Variants in FOXP4 observed in about 807,000 individuals in gnomAD.
FOXP4 encodes the protein forkhead box protein P4.
A neutral mutation model predicts 82.6 loss-of-function variants in FOXP4; 25 were observed. That is an observed-to-expected ratio of 0.30 (90% CI 0.22 to 0.42). The LOEUF is 0.42. Among genes scored for constraint, FOXP4 ranks in the 10% least tolerant of loss-of-function variants. FOXP4 has a pLI of 1.00. For synonymous variants in FOXP4, 415 were observed against 388.2 expected (o/e 1.07, Z -0.81); for missense variants, 785 against 900.9 (o/e 0.87, Z 1.65).
At chr6:41,557,517 C>T (rs1482238430) in intron 1 of FOXP4, among the ~76,000 whole-genome samples, 1 of 152,162 alleles carries the variant, frequency 6.6e-6, no homozygotes, top group Non-Finnish European at 1.5e-5. Context: ...GGGATTGGCT[C>T]AATACATTCT....
chr6:41,597,136 G>A, intron 14 of FOXP4, 40 bp from the exon 15 acceptor site: 2 of 1,602,702 alleles, frequency 1.2e-6, no homozygotes, highest in Non-Finnish European at 1.7e-6. Context: ...GAAGAGCTAA[G>A]TGAATGAGTG....
At chr6:41,562,134 G>A (rs1479862955) in intron 1 of FOXP4, among the ~76,000 whole-genome samples, 1 of 152,220 alleles carries the variant, frequency 6.6e-6, no homozygotes, top group African/African-American at 2.4e-5. Context: ...GAGGCTGCTG[G>A]TGTGCTCATC....
Position 41,589,983 on chromosome 6 carries a change from CT to C in FOXP4, c.1171del (p.Ser391ProfsTer6), listed in dbSNP as rs1561801875. 2.5e-6 allele frequency: 4 copies of C among 1,613,816 alleles called. No homozygotes were observed. The Admixed American group carries it at 5.0e-5, about 20-fold the overall frequency. ...SQPLNPVPGS[S>X]SFSKVTVSAA... ...CACAGCTGAACCCGGTCCCCGGCTC[CT>C]CCTCATTCTCCAAGGTGACCGTCTC... On this transcript the variant is annotated frameshift_variant, in exon 11 of 17. Coordinates refer to ENST00000307972, the MANE Select transcript of FOXP4 (RefSeq NM_001012426.2). LOFTEE classifies it high-confidence loss of function.
intron 10 of FOXP4, 50 bp downstream of exon 10, chr6:41,589,904 G>A: frequency 6.2e-7 from 1 of 1,610,274 alleles, no homozygotes. Context: ...CACAGACCCT[G>A]GAGCCTCGGG....
intron 8 of FOXP4, 141 bp downstream of exon 8, chr6:41,588,038 T>A (rs186845673): frequency 1.7e-6 from 1 of 597,462 alleles, no homozygotes; most frequent in East Asian, 2.8e-5. Flanking sequence ...TCTAGTTCTT[T>A]CTCTGCCCCC....
intron 2 of FOXP4, 93 bp downstream of exon 2, chr6:41,566,057 G>C: frequency 1.5e-6 from 2 of 1,327,000 alleles, no homozygotes; most frequent in Non-Finnish European, 2.1e-6. Context: ...ACCACTCCCT[G>C]CCAGGCAGCC....
intron 3 of FOXP4, among the ~76,000 whole-genome samples, chr6:41,580,692 A>C (rs7753653): frequency 2.6e-5 from 4 of 151,936 alleles, no homozygotes; most frequent in Admixed American, 2.6e-4. Flanking sequence ...ATGTTCTTCT[A>C]TGAGCTCAAG....
chr6:41,569,086 T>C (rs1022779278), intron 2 of FOXP4, among the ~76,000 whole-genome samples: 5 of 152,180 alleles, frequency 3.3e-5, no homozygotes, highest in Non-Finnish European at 7.4e-5. Flanking sequence ...AGCCTGGTCA[T>C]TGGTGAGTGA....
intron 1 of FOXP4, 45 bp from the exon 2 acceptor site, chr6:41,565,700 G>T (rs183315259): frequency 6.6e-7 from 1 of 1,521,102 alleles, no homozygotes; most frequent in Admixed American, 1.9e-5. Flanking sequence ...TGCCCTTTCA[G>T]CCTTCAGCCT....
Position 41,593,482 on chromosome 6 carries a change from G to A in FOXP4, c.1537-1388G>A, listed in dbSNP as rs990011269. 1.3e-5 allele frequency among the ~76,000 whole-genome samples: 2 copies of A among 152,116 alleles called. No homozygotes were observed. Among genetic ancestry groups the A allele is most frequent in the African/African-American group, 4.8e-5 (2 of 41,406 alleles). The stretch of plus-strand genomic sequence containing the variant: ...AAGCCCCTGCCAGACCCCTTAAATT[G>A]CCGTTAATGTTTCAGCGTAACGAAT... On this transcript the variant is annotated intron_variant, in intron 13 of 16. Transcript: ENST00000307972. This position sits in a 1 kb window ranked among gnomAD's most constrained non-coding sequence, Gnocchi z 4.1.
rs764486175 is a variant in FOXP4 at position 41,598,776 on chromosome 6, A to G, written c.1896-13A>G. 4 of 1,553,382 alleles carry G rather than the reference A, an allele frequency of 2.6e-6. No individual in the cohort carries two copies. The East Asian group carries it at 7.2e-5, about 28-fold the overall frequency. On this transcript the variant is annotated splice_polypyrimidine_tract_variant and intron_variant, in intron 16 of 16. Transcript: ENST00000307972. Reference sequence around the variant, plus strand: ...GACAGCCGCCTGGTGCCCATGCCATACTTTTGCCTCAGCCACCAGGTGCAG... The same window carrying G: ...GACAGCCGCCTGGTGCCCATGCCATGCTTTTGCCTCAGCCACCAGGTGCAG...
At position 41,597,965 on chromosome 6, in the gene FOXP4, C is replaced by T. The variant is rs976214611; in HGVS notation, c.1895+15C>T. ...CCCCAGTACAGGTGAGCACACAGCA[C>T]GGACCCCCACCCACCCCAGCACCCC... On this transcript the variant is annotated intron_variant, in intron 16 of 16. Coordinates refer to ENST00000307972, the MANE Select transcript of FOXP4 (RefSeq NM_001012426.2). 1.4e-5 allele frequency: 21 copies of T among 1,482,866 alleles called. No individual in the cohort carries two copies. The highest frequency in any genetic ancestry group is 4.2e-5 in the African/African-American group (3 of 71,684). The allele number at this position is 1,482,866 out of a possible 1,614,324, so 91.9% of individuals were successfully genotyped here. A position where few individuals can be genotyped will look rare whatever the true frequency, so the allele number is the denominator to read the frequency against.
At position 41,593,768 on chromosome 6, in the gene FOXP4, T is replaced by C. The variant is rs1485605676; in HGVS notation, c.1537-1102T>C. 1.3e-5 allele frequency among the ~76,000 whole-genome samples: 2 copies of C among 152,070 alleles called. No homozygotes were observed. The highest frequency in any genetic ancestry group is 4.8e-5 in the African/African-American group (2 of 41,398). On this transcript the variant is annotated intron_variant, in intron 13 of 16. Coordinates refer to ENST00000307972, the MANE Select transcript of FOXP4 (RefSeq NM_001012426.2). This position sits in a 1 kb window ranked among gnomAD's most constrained non-coding sequence, Gnocchi z 4.1. ...ACACAGGATTTAATTAGAGGCAAAT[T>C]AAAATTGGTAATGAAATCGGGCCAG...
chr6:41,587,600 G>T (rs948648415), intron 7 of FOXP4, 88 bp downstream of exon 7: 1 of 1,192,016 alleles, frequency 8.4e-7, no homozygotes. Flanking sequence ...TGTGAGGGAG[G>T]GGGTGGAGCC....
At chr6:41,576,350 CTGA>C (rs924081839) in intron 2 of FOXP4, among the ~76,000 whole-genome samples, 7 of 152,168 alleles carry the variant, frequency 4.6e-5, no homozygotes, top group Non-Finnish European at 8.8e-5. Flanking sequence ...GCTGTTTGCA[CTGA>C]TGATGAACGG....
intron 2 of FOXP4, among the ~76,000 whole-genome samples, chr6:41,576,397 A>G (rs1765488717): frequency 6.6e-6 from 1 of 152,160 alleles, no homozygotes; most frequent in African/African-American, 2.4e-5. Context: ...TGCTTGGTAC[A>G]CAGTGGTCAC....
At chr6:41,549,507 G>C (rs1763876745) in intron 1 of FOXP4, among the ~76,000 whole-genome samples, 1 of 152,102 alleles carries the variant, frequency 6.6e-6, no homozygotes, top group African/African-American at 2.4e-5. Flanking sequence ...TGCATATCCT[G>C]CTGGGCCCCT....
intron 8 of FOXP4, 92 bp downstream of exon 8, chr6:41,587,989 C>G: frequency 1.4e-6 from 1 of 701,844 alleles, no homozygotes; most frequent in South Asian, 1.6e-5. Flanking sequence ...TCTGGGAGCC[C>G]TCCTCACTAG....
At chr6:41,581,371 C>A (rs769001668) in intron 3 of FOXP4, among the ~76,000 whole-genome samples, 3 of 152,182 alleles carry the variant, frequency 2.0e-5, no homozygotes, top group African/African-American at 7.2e-5. Flanking sequence ...CCAGTCAGAC[C>A]GTCCAGCCGA....
Sources: allele counts gnomAD v4.1 joint callset (sites outside exome capture counted in the v4.1 genomes callset), GRCh38; gene constraint gnomAD v4.1.1; non-coding constraint Gnocchi (gnomAD v3.1); transcripts MANE v1.5; gene names NCBI Gene and HGNC (gene_info 2026-07-23, HGNC 2026-07-21).